Variants in PKD2L1 observed in about 807,000 individuals in gnomAD.
PKD2L1 encodes polycystin-2-like protein 1.
A neutral mutation model predicts 93.0 loss-of-function variants in PKD2L1; 77 were observed. The observed-to-expected ratio is 0.83, with a 90% confidence interval of 0.69 to 1.00. PKD2L1 has a LOEUF of 1.00. Ranked by LOEUF, PKD2L1 falls within the 50% of genes least tolerant of loss-of-function variation. The pLI, the probability that PKD2L1 is intolerant of heterozygous loss-of-function variation, is 0.00. For missense variants in PKD2L1, 977 were observed against 990.9 expected (o/e 0.99, Z 0.19); for synonymous variants, 390 against 388.0 (o/e 1.01, Z -0.06).
chr10:100,288,404 T>A lies in PKD2L1; in HGVS notation c.2410A>T (p.Arg804Trp), dbSNP rs1190688420. 2 of 1,608,762 alleles carry A rather than the reference T, an allele frequency of 1.2e-6. No individual in the cohort carries two copies. The highest frequency in any genetic ancestry group is 4.5e-5 in the East Asian group (2 of 44,848). The change falls in exon 16 of 16, where the codon AGG becomes TGG. Residue 804 changes from arginine (R) to tryptophan (W), a missense_variant. Physicochemically the swap from Arg to Trp is moderately radical, Grantham distance 101. Coordinates refer to ENST00000318222, the MANE Select transcript of PKD2L1 (RefSeq NM_016112.3). ...LSRGEIPTLQ[R>W]S ...CCGGGAGTGCCTCACACTTAACTCC[T>A]CTGCAACGTTGGAATCTCACCACGG...
chr10:100,318,159 G>T (rs2133566490), intron 2 of PKD2L1, among the ~76,000 whole-genome samples: 1 of 151,976 alleles, frequency 6.6e-6, no homozygotes, highest in Admixed American at 6.5e-5. Flanking sequence ...CAGTCTGGAG[G>T]TTCTGTCTGA....
At chr10:100,294,697 A>G in intron 8 of PKD2L1, 42 bp from the exon 9 acceptor site, 1 of 1,608,906 alleles carries the variant, frequency 6.2e-7, no homozygotes, top group Non-Finnish European at 8.5e-7. Flanking sequence ...CCTAACAAAC[A>G]CCCCCCATCC....
At position 100,288,984 on chromosome 10, in the gene PKD2L1, C is replaced by T. The variant is rs1337295508; in HGVS notation, c.2323G>A (p.Gly775Arg). The T allele has an allele frequency of 4.4e-6, 7 of 1,604,392 alleles. No individual in the cohort carries two copies. Among genetic ancestry groups the T allele is most frequent in the Non-Finnish European group, 6.0e-6 (7 of 1,173,838 alleles). Residue 775 changes from glycine (G) to arginine (R), a missense_variant, in exon 15 of 16, where the codon GGG becomes AGG. Transcript: ENST00000318222. ...VTPDPWGVQG[G>R]QESEVPYKRE... ...CCCCCTTCCTCACCACTCTCCTGCC[C>T]ACCCTGGACTCCCCAGGGGTCTGGG...
chr10:100,290,123 A>G lies in PKD2L1; in HGVS notation c.2142T>C (p.Val714=). 1 of 1,614,120 alleles carries G rather than the reference A, an allele frequency of 6.2e-7. No homozygotes were observed. Among genetic ancestry groups the G allele is most frequent in the Non-Finnish European group, 8.5e-7 (1 of 1,180,000 alleles). ...CTTCCAGGACAGTCTCCAGCTGCAGAACTCTCCTTGTGAGCCTGTGTGGGA... is the reference window on the plus strand; with the variant it reads ...CTTCCAGGACAGTCTCCAGCTGCAGGACTCTCCTTGTGAGCCTGTGTGGGA... ...GEEFYMLTRR[V]LQLETVLEGV... is the part of the protein sequence containing the mutation. The change falls in exon 14 of 16, where the codon GTT becomes GTC. Residue 714 remains valine (V), a synonymous_variant. Coordinates refer to ENST00000318222, the MANE Select transcript of PKD2L1 (RefSeq NM_016112.3).
chr10:100,297,523 A>G lies in PKD2L1; in HGVS notation c.815T>C (p.Leu272Pro). ...ACCCTGTCGGGATCCTGGAAGGTCC[A>G]GGTAGTAGCCACCTCCGCTGTAGCT... ...LTSYSGGGYYLDLPGSRQGSA... is the reference protein window; with the variant it reads ...LTSYSGGGYYPDLPGSRQGSA... Residue 272 changes from leucine (L) to proline (P), a missense_variant, in exon 5 of 16, where the codon CTG becomes CCG. Transcript: ENST00000318222. The G allele has an allele frequency of 6.2e-7, 1 of 1,614,152 alleles. No individual in the cohort carries two copies. Among genetic ancestry groups the G allele is most frequent in the East Asian group, 2.2e-5 (1 of 44,872 alleles).
rs1475748659 is a variant in PKD2L1 at position 100,298,755 on chromosome 10, G to C, written c.538C>G (p.Leu180Val). The change falls in exon 4 of 16, where the codon CTG becomes GTG. Residue 180 changes from leucine (L) to valine (V), a missense_variant. By Grantham distance (32) the Leu-to-Val change is conservative (BLOSUM62 1). Coordinates refer to ENST00000318222, the MANE Select transcript of PKD2L1 (RefSeq NM_016112.3). ...YWTKWYNNQS[L>V]GHGSHSFIYY... The stretch of plus-strand genomic sequence containing the variant: ...ATGAAGGAGTGGGAGCCATGGCCCA[G>C]GCTCTGGTTGTTGTACCATTTGGTC... 6.2e-7 allele frequency: 1 copy of C among 1,613,920 alleles called. No homozygotes were observed. The highest frequency in any genetic ancestry group is 8.5e-7 in the Non-Finnish European group (1 of 1,180,002).
chr10:100,321,740 A>G (rs1199843909), intron 2 of PKD2L1, among the ~76,000 whole-genome samples: 4 of 7,908 alleles, frequency 5.1e-4, no homozygotes, highest in African/African-American at 7.4e-4. Flanking sequence ...AGAAAGAAAG[A>G]AAGAAAGAAA....
rs71013443 is a variant in PKD2L1, at chr10:100,321,904, C to CAAGGAAGGAAGGAAGG, written c.349+7291_349+7306dup. ...GGAGGGAGGGAGGGAGGGAAGGAAG[C>CAAGGAAGGAAGGAAGG]AAGGAAGGAAGGAAGGAAGGAAGGA... On this transcript the variant is annotated intron_variant, in intron 2 of 15. Transcript: ENST00000318222. 8.4e-4 allele frequency among the ~76,000 whole-genome samples: 8 copies of CAAGGAAGGAAGGAAGG among 9,480 alleles called. 2 individuals carry two copies. The highest frequency in any genetic ancestry group is 2.5e-3 in the African/African-American group (5 of 1,982). The allele number at this position is 9,480 out of a possible 152,430, so 6.2% of individuals were successfully genotyped here. A position where few individuals can be genotyped will look rare whatever the true frequency, so the allele number is the denominator to read the frequency against.
chr10:100,303,191 G>GTTTTTT lies in PKD2L1; in HGVS notation c.350-3479_350-3474dup, dbSNP rs146131470. On this transcript the variant is annotated intron_variant, in intron 2 of 15. Transcript: ENST00000318222. ...TTTAAGTCCATAATTACATCAAACT[G>GTTTTTT]TTTTTTTGTTTTTTTTTTTGAGACG... 3.9e-3 allele frequency among the ~76,000 whole-genome samples: 497 copies of GTTTTTT among 128,816 alleles called. 28 individuals carry two copies. Among genetic ancestry groups the GTTTTTT allele is most frequent in the Non-Finnish European group, 5.6e-3 (353 of 62,594 alleles). The allele number at this position is 128,816 out of a possible 152,430, so 84.5% of individuals were successfully genotyped here.
At chr10:100,289,835 A>G (rs1402494463) in intron 14 of PKD2L1, among the ~76,000 whole-genome samples, 180 bp downstream of exon 14, 1 of 152,196 alleles carries the variant, frequency 6.6e-6, no homozygotes, top group Non-Finnish European at 1.5e-5. Context: ...CAGGGCAAGC[A>G]ACTTCCAGGC....
chr10:100,309,372 A>T (rs1287169786), intron 2 of PKD2L1, among the ~76,000 whole-genome samples: 1 of 97,228 alleles, frequency 1.0e-5, no homozygotes, highest in Non-Finnish European at 2.3e-5. Context: ...CTATAATAAT[A>T]GTAAAACAAT....
At chr10:100,292,328 C>G (rs936880361) in intron 11 of PKD2L1, among the ~76,000 whole-genome samples, 9 of 151,866 alleles carry the variant, frequency 5.9e-5, no homozygotes, top group African/African-American at 2.2e-4. Flanking sequence ...CCCATCTCTA[C>G]CAAAAATACA....
chr10:100,298,859 C>A (rs760465018), intron 3 of PKD2L1, 44 bp from the exon 4 acceptor site: 1 of 1,575,794 alleles, frequency 6.3e-7, no homozygotes, highest in Non-Finnish European at 8.6e-7. Context: ...CTCCTCCTGA[C>A]CCCCTACCTT....
intron 2 of PKD2L1, among the ~76,000 whole-genome samples, chr10:100,312,530 T>C (rs1233792063): frequency 6.6e-6 from 1 of 152,210 alleles, no homozygotes; most frequent in Non-Finnish European, 1.5e-5. Flanking sequence ...CTATAGATAC[T>C]TGTCCATGCT....
intron 2 of PKD2L1, among the ~76,000 whole-genome samples, chr10:100,316,132 G>A (rs1849096222): frequency 6.6e-6 from 1 of 152,106 alleles, no homozygotes; most frequent in Non-Finnish European, 1.5e-5. Context: ...TTACATGTCA[G>A]CCTTCCTTAC....
intron 2 of PKD2L1, among the ~76,000 whole-genome samples, chr10:100,328,580 G>A (rs1849429198): frequency 7.4e-6 from 1 of 134,894 alleles, no homozygotes; most frequent in Admixed American, 8.6e-5. Flanking sequence ...AGAAGGGAGT[G>A]GTTTTCCACT....
chr10:100,327,786 C>T (rs1346161974), intron 2 of PKD2L1, among the ~76,000 whole-genome samples: 2 of 152,212 alleles, frequency 1.3e-5, no homozygotes, highest in African/African-American at 4.8e-5. Flanking sequence ...TCCTCACATG[C>T]ACTGTGTCCT....
rs543886032 is a variant in PKD2L1 at position 100,297,447 on chromosome 10, G to A, written c.891C>T (p.Gly297=). ...AGAAGTCGATGAACACCACTCGAGT[G>A]CCCCTGTCCAGCCACAGCCCCTCCT... ...ALQEGLWLDR[G]TRVVFIDFSV... The change falls in exon 5 of 16, where the codon GGC becomes GGT. Residue 297 remains glycine, a synonymous_variant. Coordinates refer to ENST00000318222, the MANE Select transcript of PKD2L1 (RefSeq NM_016112.3). 1.9e-6 allele frequency: 3 copies of A among 1,614,146 alleles called. No homozygotes were observed. The highest frequency in any genetic ancestry group is 2.2e-5 in the South Asian group (2 of 91,080).
At chr10:100,301,815 T>C (rs1468421277) in intron 2 of PKD2L1, among the ~76,000 whole-genome samples, 1 of 152,156 alleles carries the variant, frequency 6.6e-6, no homozygotes, top group Non-Finnish European at 1.5e-5. Flanking sequence ...ATAAGGGTAT[T>C]GATTGGGGAA....
Sources: allele counts gnomAD v4.1 joint callset (sites outside exome capture counted in the v4.1 genomes callset), GRCh38; gene constraint gnomAD v4.1.1; transcripts MANE v1.5; gene names NCBI Gene and HGNC (gene_info 2026-07-23, HGNC 2026-07-21).